Variants in SIK2 observed in about 807,000 individuals in gnomAD.
SIK2 encodes the protein serine/threonine-protein kinase SIK2.
In SIK2, 29 loss-of-function variants were observed where a neutral mutation model predicts 103.2. The ratio of observed to expected loss-of-function variants is 0.28; its 90% confidence interval spans 0.21 to 0.38. SIK2 has a LOEUF of 0.38. SIK2 is among the 10% of genes least tolerant of loss of function. The probability of loss-of-function intolerance (pLI) is 1.00; values close to 1 mark genes in which losing one functional copy is unlikely to be tolerated. For synonymous variants in SIK2, 412 were observed against 446.1 expected (o/e 0.92, Z 0.96); for missense variants, 879 against 1,171.0 (o/e 0.75, Z 3.64).
intron 7 of SIK2, among the ~76,000 whole-genome samples, chr11:111,704,047 C>CTG (rs1219385432): frequency 6.6e-6 from 1 of 152,170 alleles, no homozygotes; most frequent in Non-Finnish European, 1.5e-5. Flanking sequence ...CAGGAAGAAA[C>CTG]ATAACAAGAA....
At chr11:111,662,573 A>G (rs1942481012) in intron 3 of SIK2, among the ~76,000 whole-genome samples, 1 of 152,054 alleles carries the variant, frequency 6.6e-6, no homozygotes, top group Non-Finnish European at 1.5e-5. Context: ...ATGTGGCAAA[A>G]TGTCATCTCT....
chr11:111,620,300 A>G (rs1941865635), intron 2 of SIK2, 39 bp from the exon 3 acceptor site: 2 of 1,267,934 alleles, frequency 1.6e-6, no homozygotes, highest in Middle Eastern at 1.8e-4. Context: ...AAATTCCAGT[A>G]CATTTCTGTC....
At chr11:111,703,476 C>G in intron 7 of SIK2, 53 bp downstream of exon 7, 1 of 1,511,688 alleles carries the variant, frequency 6.6e-7, no homozygotes, top group Non-Finnish European at 9.2e-7. Flanking sequence ...CTTGAAATTT[C>G]ATGCTCACAC....
At chr11:111,666,639 T>G (rs968613928) in intron 3 of SIK2, among the ~76,000 whole-genome samples, 3 of 152,194 alleles carry the variant, frequency 2.0e-5, no homozygotes, top group Admixed American at 2.0e-4. Flanking sequence ...CAATCTCTTT[T>G]TCTTCAGTTT....
At chr11:111,644,856 C>G (rs941471149) in intron 3 of SIK2, among the ~76,000 whole-genome samples, 1 of 152,112 alleles carries the variant, frequency 6.6e-6, no homozygotes, top group Non-Finnish European at 1.5e-5. Flanking sequence ...CACTGAGTAA[C>G]GCAGTTGTCC....
At chr11:111,635,903 GC>G (rs1184831691) in intron 3 of SIK2, among the ~76,000 whole-genome samples, 1 of 152,212 alleles carries the variant, frequency 6.6e-6, no homozygotes, top group Non-Finnish European at 1.5e-5. Flanking sequence ...AGAAGCATCA[GC>G]TATTCTGATC....
At chr11:111,634,065 A>G (rs1942073429) in intron 3 of SIK2, among the ~76,000 whole-genome samples, 1 of 152,188 alleles carries the variant, frequency 6.6e-6, no homozygotes, top group Non-Finnish European at 1.5e-5. Context: ...TGTTCAAACA[A>G]TTAAACCGGC....
chr11:111,721,690 G>A (rs1323598192), intron 12 of SIK2, 140 bp from the exon 13 acceptor site: 2 of 574,990 alleles, frequency 3.5e-6, no homozygotes, highest in African/African-American at 1.9e-5. Flanking sequence ...CAGCCTACTG[G>A]CTCTGTAAAA....
chr11:111,704,176 C>T lies in SIK2; in HGVS notation c.948+753C>T, dbSNP rs1026648798. Among the ~76,000 whole-genome samples, 159 of 152,188 alleles carry T rather than the reference C, an allele frequency of 1.0e-3. 3 individuals are homozygous for T. The highest frequency in any genetic ancestry group is 3.2e-4 in the Non-Finnish European group (22 of 68,042). The stretch of plus-strand genomic sequence containing the variant: ...TGATTCTCCTGCTTTGCTCACTTTG[C>T]GCCCAGTGATGTTTTTCTGTACTTG... On this transcript the variant is annotated intron_variant, in intron 7 of 14. Coordinates refer to ENST00000304987, the MANE Select transcript of SIK2 (RefSeq NM_015191.3).
chr11:111,674,268 C>G (rs956433815), intron 3 of SIK2, among the ~76,000 whole-genome samples: 1 of 152,016 alleles, frequency 6.6e-6, no homozygotes, highest in African/African-American at 2.4e-5. Flanking sequence ...CACAACTAAC[C>G]CCTCTGTCTC....
chr11:111,619,367 T>G (rs1941851346), intron 2 of SIK2, among the ~76,000 whole-genome samples: 2 of 152,282 alleles, frequency 1.3e-5, no homozygotes, highest in East Asian at 1.9e-4. Flanking sequence ...ACACTCATTT[T>G]CTTTTTATTC....
At chr11:111,662,381 C>T (rs7109592) in intron 3 of SIK2, among the ~76,000 whole-genome samples, 12 of 152,068 alleles carry the variant, frequency 7.9e-5, no homozygotes, top group Non-Finnish European at 1.5e-4. Context: ...ACATCCTAAG[C>T]GAGGGAAAAA....
chr11:111,669,008 C>A (rs1359438508), intron 3 of SIK2, among the ~76,000 whole-genome samples: 1 of 152,090 alleles, frequency 6.6e-6, no homozygotes, highest in Non-Finnish European at 1.5e-5. Context: ...ATAGTTGAGG[C>A]TACACATCAG....
At chr11:111,717,433 T>C (rs1430442300) in intron 9 of SIK2, among the ~76,000 whole-genome samples, 1 of 146,554 alleles carries the variant, frequency 6.8e-6, no homozygotes, top group East Asian at 2.1e-4. Context: ...TATTAAAAAG[T>C]CAACAACAAC....
chr11:111,695,730 A>G (rs1374224491), intron 4 of SIK2, among the ~76,000 whole-genome samples: 1 of 152,182 alleles, frequency 6.6e-6, no homozygotes, highest in Non-Finnish European at 1.5e-5. Context: ...TATACATGTT[A>G]GTATTTGATT....
At chr11:111,625,682 C>A (rs532483934) in intron 3 of SIK2, among the ~76,000 whole-genome samples, 1 of 152,232 alleles carries the variant, frequency 6.6e-6, no homozygotes, top group South Asian at 2.1e-4. Context: ...TTGGTAAGAG[C>A]AGTTTTGGTG....
rs763404446 is a variant in SIK2, at chr11:111,719,958, A to T, written c.1450A>T (p.Thr484Ser). Residue 484 changes from threonine to serine, a missense_variant, in exon 10 of 15, where the codon ACT becomes TCT. Thr to Ser is a moderately conservative substitution (Grantham distance 58). This residue lies in a region of SIK2 where 222 missense variants were observed against 258.0 expected (regional missense o/e 0.86). Coordinates refer to ENST00000304987, the MANE Select transcript of SIK2 (RefSeq NM_015191.3). Reference protein sequence around the residue: ...QSTRSGQRRHTLSEVTNQLVV... With the variant: ...QSTRSGQRRHSLSEVTNQLVV... The stretch of plus-strand genomic sequence containing the variant: ...CACACGCAGCGGGCAGAGACGGCAC[A>T]CTCTGTCAGAAGTGACCAATCAACT... 1 of 1,613,918 alleles carries T rather than the reference A, an allele frequency of 6.2e-7. No homozygotes were observed. The highest frequency in any genetic ancestry group is 8.5e-7 in the Non-Finnish European group (1 of 1,179,982).
intron 3 of SIK2, among the ~76,000 whole-genome samples, chr11:111,650,967 C>T (rs1411576599): frequency 6.6e-6 from 1 of 152,074 alleles, no homozygotes; most frequent in African/African-American, 2.4e-5. Flanking sequence ...TGATTTTATA[C>T]ATGAAAATAA....
chr11:111,689,848 T>C (rs1314955559), intron 4 of SIK2, among the ~76,000 whole-genome samples: 1 of 152,212 alleles, frequency 6.6e-6, no homozygotes, highest in Non-Finnish European at 1.5e-5. Context: ...TAAATGTCAA[T>C]ATTACATATG....
Sources: gnomAD v4.1 joint callset for allele counts (sites outside exome capture counted in the v4.1 genomes callset) on GRCh38, gnomAD v4.1.1 for gene constraint, gnomAD v4.1.1 regional missense constraint, MANE v1.5 for transcripts, NCBI Gene and HGNC (gene_info 2026-07-23, HGNC 2026-07-21) for gene names.